Variants in ALDH1L1 observed in about 807,000 individuals in gnomAD.
The protein encoded by ALDH1L1 is cytosolic 10-formyltetrahydrofolate dehydrogenase.
A neutral mutation model predicts 101.1 loss-of-function variants in ALDH1L1; 68 were observed. The ratio of observed to expected loss-of-function variants is 0.67; its 90% CI spans 0.55 to 0.82. The LOEUF (loss-of-function observed/expected upper bound fraction) is 0.82, where lower values mean the gene tolerates loss of function less well. ALDH1L1 is among the 40% of genes least tolerant of loss of function. The pLI is 0.00. For missense variants in ALDH1L1, 1,087 were observed against 1,172.7 expected (o/e 0.93, Z 1.07); for synonymous variants, 486 against 470.8 (o/e 1.03, Z -0.42).
At chr3:126,143,777 T>TA (rs779908788) in intron 9 of ALDH1L1, among the ~76,000 whole-genome samples, 40 of 152,006 alleles carry the variant, frequency 2.6e-4, no homozygotes, top group South Asian at 6.3e-4. Context: ...ACTTTGTCTG[T>TA]AAAAAAAATT....
At chr3:126,117,651 CA>C (rs75273825) in intron 17 of ALDH1L1, among the ~76,000 whole-genome samples, 23,524 of 137,594 alleles carry the variant, frequency 0.17, 2,531 homozygotes, top group African/African-American at 0.34. Context: ...GACCCTGTCT[CA>C]AAAAAAAAAA....
chr3:126,183,054 T>C (rs980799690), upstream of ALDH1L1, among the ~76,000 whole-genome samples: 5 of 152,138 alleles, frequency 3.3e-5, no homozygotes, highest in African/African-American at 1.2e-4. Context: ...AAAGAGCAAA[T>C]GCAGGCCAGT....
chr3:126,184,400 TTA>T (rs1258587686), upstream of ALDH1L1, among the ~76,000 whole-genome samples: 3 of 152,150 alleles, frequency 2.0e-5, no homozygotes, highest in African/African-American at 7.2e-5. Flanking sequence ...ATGCAACTAT[TTA>T]TATGTGTGTC....
At chr3:126,154,872 T>C (rs577005763) in intron 5 of ALDH1L1, among the ~76,000 whole-genome samples, 180 of 152,320 alleles carry the variant, frequency 1.2e-3, no homozygotes, top group African/African-American at 4.0e-3. Flanking sequence ...GATAATGTTC[T>C]GTTGCTGTCA....
chr3:126,188,920 A>G (rs2108353117), intron 1 of ALDH1L1, among the ~76,000 whole-genome samples: 1 of 152,222 alleles, frequency 6.6e-6, no homozygotes, highest in South Asian at 2.1e-4. Flanking sequence ...GAGTGCACCC[A>G]TTTTAACCAA....
chr3:126,130,765 C>T (rs771779022), intron 13 of ALDH1L1, among the ~76,000 whole-genome samples: 3 of 152,220 alleles, frequency 2.0e-5, no homozygotes, highest in Non-Finnish European at 4.4e-5. Context: ...CTGGCAGAGA[C>T]GCCATGAGTC....
At chr3:126,146,335 C>A (rs1238721819) in intron 9 of ALDH1L1, among the ~76,000 whole-genome samples, 1 of 152,172 alleles carries the variant, frequency 6.6e-6, no homozygotes, top group East Asian at 1.9e-4. Context: ...ACAGGACCAG[C>A]CAGCCCCCAG....
chr3:126,135,819 G>A (rs529530726), intron 11 of ALDH1L1, among the ~76,000 whole-genome samples, 157 bp from the exon 12 acceptor site: 1 of 152,338 alleles, frequency 6.6e-6, no homozygotes, highest in South Asian at 2.1e-4. Context: ...ACAACCCTGG[G>A]AGGGTTTACA....
chr3:126,106,686 C>A (rs946137535), intron 21 of ALDH1L1, among the ~76,000 whole-genome samples: 20 of 152,208 alleles, frequency 1.3e-4, no homozygotes, highest in Non-Finnish European at 2.8e-4. Flanking sequence ...CGCAAGACCC[C>A]CAGCAGCATC....
intron 14 of ALDH1L1, chr3:126,128,639 C>CCCTG (rs1262399759): frequency 1.3e-5 from 2 of 152,398 alleles, no homozygotes; most frequent in East Asian, 1.9e-4. Flanking sequence ...TCAGCAGTGG[C>CCCTG]CCTGCCTACC....
At chr3:126,116,015 GGC>G (rs1186506999) in intron 17 of ALDH1L1, among the ~76,000 whole-genome samples, 2 of 151,008 alleles carry the variant, frequency 1.3e-5, no homozygotes. Context: ...TGGGAATATA[GGC>G]ATATACCACC....
Position 126,146,891 on chromosome 3 carries a change from C to T in ALDH1L1, c.1020G>A (p.Glu340=), listed in dbSNP as rs375916296. The part of the protein sequence containing the change: ...VWQRILPKVL[E]VEDSTDFFKS... The stretch of plus-strand genomic sequence containing the variant: ...TGAAGAAATCAGTGGAGTCTTCAAC[C>T]TCCAGGACTTTGGGGAGGATCCGCT... Residue 340 remains glutamate, a synonymous_variant, in exon 9 of 23, where the codon GAG becomes GAA. Transcript: ENST00000393434. The T allele has an allele frequency of 6.2e-7, 1 of 1,614,134 alleles. No homozygotes were observed. The highest frequency in any genetic ancestry group is 8.5e-7 in the Non-Finnish European group (1 of 1,180,018).
intron 1 of ALDH1L1, among the ~76,000 whole-genome samples, chr3:126,196,807 G>T (rs1389949573): frequency 6.6e-6 from 1 of 152,174 alleles, no homozygotes; most frequent in Non-Finnish European, 1.5e-5. Context: ...TAACCAGAAA[G>T]TACTCATTCT....
chr3:126,151,226 C>CA (rs2080801284), intron 7 of ALDH1L1: 1 of 152,302 alleles, frequency 6.6e-6, no homozygotes, highest in African/African-American at 2.4e-5. Context: ...ACTAATCTTG[C>CA]AATCACCCAG....
chr3:126,182,452 C>T (rs569539968), upstream of ALDH1L1, among the ~76,000 whole-genome samples: 1 of 152,344 alleles, frequency 6.6e-6, no homozygotes, highest in Admixed American at 6.5e-5. Context: ...TGCACCCTGC[C>T]TTCAACTGCA....
At chr3:126,187,397 A>G (rs769221847) in intron 1 of ALDH1L1, among the ~76,000 whole-genome samples, 3 of 152,116 alleles carry the variant, frequency 2.0e-5, no homozygotes, top group African/African-American at 4.8e-5. Flanking sequence ...CCCATGGTTC[A>G]TGTTGGTACA....
rs1350711662 is a variant in ALDH1L1, at chr3:126,158,535, C to T, written c.232G>A (p.Ala78Thr). 3.7e-6 allele frequency: 6 copies of T among 1,614,104 alleles called. No homozygotes were observed. The highest frequency in any genetic ancestry group is 1.1e-5 in the South Asian group (1 of 91,092). Reference sequence around the variant, plus strand: ...CAGAAGGGCAGGACGTTGAGCTCGGCCCCCAAAGCCTGGTATTTTGCCACC... The same window carrying T: ...CAGAAGGGCAGGACGTTGAGCTCGGTCCCCAAAGCCTGGTATTTTGCCACC... The part of the protein sequence containing the change: ...DVVAKYQALG[A>T]ELNVLPFCSQ... Residue 78 changes from alanine (A) to threonine (T), a missense_variant, in exon 3 of 23, where the codon GCC becomes ACC. Coordinates refer to ENST00000393434, the MANE Select transcript of ALDH1L1 (RefSeq NM_012190.4).
At chr3:126,147,306 A>C (rs1405321981) in intron 8 of ALDH1L1, among the ~76,000 whole-genome samples, 1 of 152,150 alleles carries the variant, frequency 6.6e-6, no homozygotes, top group Non-Finnish European at 1.5e-5. Context: ...CCTTGGTGCT[A>C]GCGCCCAGGT....
At chr3:126,164,162 G>A (rs1392800147) in intron 1 of ALDH1L1, among the ~76,000 whole-genome samples, 1 of 152,150 alleles carries the variant, frequency 6.6e-6, no homozygotes, top group Non-Finnish European at 1.5e-5. Flanking sequence ...GCAAGGTAGG[G>A]CGGGGCAGGG....
Sources: allele counts gnomAD v4.1 joint callset (sites outside exome capture counted in the v4.1 genomes callset), GRCh38; gene constraint gnomAD v4.1.1; transcripts MANE v1.5; gene names NCBI Gene and HGNC (gene_info 2026-07-23, HGNC 2026-07-21).